MGAT4C: variants seen among roughly 807,000 people sequenced by gnomAD.
The protein encoded by MGAT4C is MGAT4 family member C.
MGAT4C carries 19 observed loss-of-function variants against 40.1 expected under a neutral mutation model. That is an observed-to-expected ratio of 0.47 (90% CI 0.33 to 0.70). The LOEUF is 0.70. MGAT4C is among the 30% of genes least tolerant of loss of function. The pLI is 0.02. For missense variants in MGAT4C, 491 were observed against 563.2 expected (o/e 0.87, Z 1.30); for synonymous variants, 181 against 187.1 (o/e 0.97, Z 0.27).
At chr12:86,457,365 A>C (rs1957527015) in intron 2 of MGAT4C, among the ~76,000 whole-genome samples, 1 of 152,134 alleles carries the variant, frequency 6.6e-6, no homozygotes, top group Non-Finnish European at 1.5e-5. Flanking sequence ...AATCCTATTT[A>C]CCTAGTAAAA....
rs146126864 is a variant in MGAT4C at position 86,688,090 on chromosome 12, C to T, written c.-229+39119G>A. Reference sequence around the variant, plus strand: ...TTGATCCCTTTACCACTATGTAATGCTCTTGTCTTTTTTGATCTTTGTTGG... The same window carrying T: ...TTGATCCCTTTACCACTATGTAATGTTCTTGTCTTTTTTGATCTTTGTTGG... On this transcript the variant is annotated intron_variant, in intron 2 of 7. Transcript: ENST00000548651. 8.7e-4 allele frequency among the ~76,000 whole-genome samples: 131 copies of T among 150,158 alleles called. 2 individuals are homozygous for T. Among genetic ancestry groups the T allele is most frequent in the African/African-American group, 3.1e-3 (126 of 40,844 alleles).
intron 1 of MGAT4C, among the ~76,000 whole-genome samples, chr12:86,185,596 T>C (rs1888672409): frequency 6.6e-6 from 1 of 152,190 alleles, no homozygotes; most frequent in Non-Finnish European, 1.5e-5. Context: ...ATTCTAATTG[T>C]GGATAGTCAC....
At chr12:85,991,765 G>C (rs1885971771) in intron 2 of MGAT4C, among the ~76,000 whole-genome samples, 1 of 152,186 alleles carries the variant, frequency 6.6e-6, no homozygotes, top group Non-Finnish European at 1.5e-5. Flanking sequence ...GCAGAGGTAA[G>C]AAGATAGCTT....
At chr12:86,666,680 GC>G (rs894303083) in intron 2 of MGAT4C, among the ~76,000 whole-genome samples, 1 of 152,032 alleles carries the variant, frequency 6.6e-6, no homozygotes, top group Non-Finnish European at 1.5e-5. Context: ...CATCAACATA[GC>G]TTTGTGCTTT....
intron 1 of MGAT4C, among the ~76,000 whole-genome samples, chr12:86,761,959 G>A (rs2136153227): frequency 6.6e-6 from 1 of 152,090 alleles, no homozygotes; most frequent in East Asian, 1.9e-4. Flanking sequence ...TGTTATCTTT[G>A]TCAGGGGGGC....
At chr12:86,187,152 A>T (rs532822986) in intron 1 of MGAT4C, among the ~76,000 whole-genome samples, 1 of 152,150 alleles carries the variant, frequency 6.6e-6, no homozygotes, top group African/African-American at 2.4e-5. Context: ...ACATTCTATC[A>T]ACCATTTTAT....
intron 2 of MGAT4C, among the ~76,000 whole-genome samples, chr12:86,506,319 T>C (rs1958472071): frequency 6.6e-6 from 1 of 152,202 alleles, no homozygotes. Context: ...AATGAAAGTT[T>C]TGTTTTGCCT....
chr12:86,187,767 C>A (rs557745477), intron 1 of MGAT4C, among the ~76,000 whole-genome samples: 56 of 151,132 alleles, frequency 3.7e-4, no homozygotes, highest in African/African-American at 1.3e-3. Context: ...AAAAAAATGT[C>A]ATTTTTCAGG....
chr12:86,587,392 C>T (rs1961098798), intron 2 of MGAT4C, among the ~76,000 whole-genome samples: 1 of 152,100 alleles, frequency 6.6e-6, no homozygotes, highest in Non-Finnish European at 1.5e-5. Flanking sequence ...AGTGTGATGC[C>T]TCCAGCTTTG....
intron 1 of MGAT4C, among the ~76,000 whole-genome samples, chr12:86,132,451 T>C (rs1010947906): frequency 6.6e-5 from 10 of 152,146 alleles, no homozygotes; most frequent in Non-Finnish European, 1.5e-4. Flanking sequence ...TATGAAATTA[T>C]AAAACAATTA....
intron 1 of MGAT4C, among the ~76,000 whole-genome samples, chr12:86,222,195 C>T (rs1376616111): frequency 6.6e-6 from 1 of 152,098 alleles, no homozygotes; most frequent in Non-Finnish European, 1.5e-5. Context: ...TCAGAATCAG[C>T]TCTAAATAAA....
intron 1 of MGAT4C, among the ~76,000 whole-genome samples, chr12:86,113,045 T>C (rs574106261): frequency 1.8e-4 from 27 of 151,826 alleles, no homozygotes; most frequent in South Asian, 8.3e-4. Context: ...ATAATAATCT[T>C]GGCATGAAAC....
chr12:86,465,979 T>C (rs1592881369), intron 2 of MGAT4C, among the ~76,000 whole-genome samples: 1 of 151,972 alleles, frequency 6.6e-6, no homozygotes. Flanking sequence ...GAGGCCAAGG[T>C]GGGCAGATTG....
At position 86,129,544 on chromosome 12, in the gene MGAT4C, CTTTTTTTTTTTTTTTTT is replaced by C. The variant is rs751908017; in HGVS notation, c.-56-79838_-56-79822del. Among the ~76,000 whole-genome samples, 4 of 15,066 alleles carry C rather than the reference CTTTTTTTTTTTTTTTTT, an allele frequency of 2.7e-4. 1 individual carries two copies. Among genetic ancestry groups the C allele is most frequent in the Non-Finnish European group, 3.7e-4 (4 of 10,706 alleles). The allele number at this position is 15,066 out of a possible 152,430, so 9.9% of individuals were successfully genotyped here. On this transcript the variant is annotated intron_variant, in intron 1 of 4. Coordinates refer to ENST00000611864, the MANE Select transcript of MGAT4C (RefSeq NM_001351288.2). ...ACAACTGAGTTTTTGCTTACACAAT[CTTTTTTTTTTTTTTTTT>C]TTTTTTTTTTTTTTTTGAGACGGAG...
At chr12:86,250,519 T>C (rs1284143985) in intron 1 of MGAT4C, among the ~76,000 whole-genome samples, 1 of 152,080 alleles carries the variant, frequency 6.6e-6, no homozygotes, top group Non-Finnish European at 1.5e-5. Context: ...AAGCAGAGAC[T>C]GTTGGTCTCT....
At chr12:86,754,394 T>C (rs80091888) in intron 1 of MGAT4C, among the ~76,000 whole-genome samples, 3,859 of 152,216 alleles carry the variant, frequency 0.025, 154 homozygotes, top group African/African-American at 0.087. Flanking sequence ...ATATTCATTA[T>C]CTTGATTGTG....
At chr12:86,732,828 CAAAAA>C (rs5799792) in intron 1 of MGAT4C, among the ~76,000 whole-genome samples, 12 of 75,816 alleles carry the variant, frequency 1.6e-4, no homozygotes, top group Admixed American at 2.9e-4. Flanking sequence ...TTTTCTCCAG[CAAAAA>C]AAAAAAAAAA....
chr12:86,322,443 G>C (rs1001161943), intron 4 of MGAT4C, among the ~76,000 whole-genome samples: 55 of 150,442 alleles, frequency 3.7e-4, no homozygotes, highest in African/African-American at 1.2e-3. Flanking sequence ...AACTTTGGTT[G>C]CTATTACATT....
chr12:86,283,506 A>T (rs770629489), intron 4 of MGAT4C, among the ~76,000 whole-genome samples: 1 of 152,078 alleles, frequency 6.6e-6, no homozygotes, highest in Non-Finnish European at 1.5e-5. Flanking sequence ...GAAGAAAAAA[A>T]TTTAAACAAT....
Sources: allele counts gnomAD v4.1 joint callset (sites outside exome capture counted in the v4.1 genomes callset), GRCh38; gene constraint gnomAD v4.1.1; transcripts MANE v1.5; gene names NCBI Gene and HGNC (gene_info 2026-07-23, HGNC 2026-07-21).